Variants in KLF12 observed in about 807,000 individuals in gnomAD.
KLF12 encodes KLF transcription factor 12.
In KLF12, 9 loss-of-function variants were observed where a neutral mutation model predicts 37.8. The ratio of observed to expected loss-of-function variants is 0.24; its 90% confidence interval spans 0.14 to 0.42. KLF12 has a LOEUF of 0.42. Ranked by LOEUF, KLF12 falls within the 10% of genes least tolerant of loss-of-function variation. KLF12 has a pLI of 1.00. For missense variants in KLF12, 411 were observed against 516.0 expected, an observed-to-expected ratio of 0.80 and a Z score of 1.97; for synonymous variants, 208 against 202.1, an observed-to-expected ratio of 1.03 and a Z score of -0.25.
the KLF12 span, among the ~76,000 whole-genome samples, chr13:74,225,192 T>C: frequency 6.6e-6 from 1 of 152,148 alleles, no homozygotes; most frequent in Non-Finnish European, 1.5e-5. Flanking sequence ...ACATGGATTA[T>C]GTATGTAGCC....
intron 1 of KLF12, among the ~76,000 whole-genome samples, chr13:74,101,114 C>T (rs866999577): frequency 1.3e-4 from 20 of 152,146 alleles, no homozygotes; most frequent in Middle Eastern, 3.4e-3. Flanking sequence ...ATATGTCTTC[C>T]CCTTACCTTC....
intron 2 of KLF12, among the ~76,000 whole-genome samples, chr13:73,967,609 C>T (rs1327970678): frequency 3.3e-5 from 5 of 152,200 alleles, no homozygotes; most frequent in African/African-American, 1.2e-4. Context: ...ACAAAACAGT[C>T]ATCCAGTCAT....
At chr13:73,734,758 A>T (rs937237196) in intron 6 of KLF12, among the ~76,000 whole-genome samples, 2 of 152,138 alleles carry the variant, frequency 1.3e-5, no homozygotes, top group Non-Finnish European at 2.9e-5. Flanking sequence ...GTTAATATAC[A>T]TTATGTCTGA....
intron 3 of KLF12, among the ~76,000 whole-genome samples, chr13:73,896,397 G>A (rs1253470392): frequency 1.3e-5 from 2 of 152,090 alleles, no homozygotes; most frequent in African/African-American, 4.8e-5. Flanking sequence ...GAAATGTAGG[G>A]GACTTTCTGA....
chr13:74,258,668 G>A, the KLF12 span: 1 of 152,214 alleles, frequency 6.6e-6, no homozygotes, highest in South Asian at 2.1e-4. Flanking sequence ...GGAACGTGGA[G>A]TTGGATGTGT....
chr13:74,061,063 C>T (rs1464649001), intron 1 of KLF12, among the ~76,000 whole-genome samples: 2 of 152,208 alleles, frequency 1.3e-5, no homozygotes, highest in Non-Finnish European at 2.9e-5. Flanking sequence ...GCTATCGAAT[C>T]AAGGCCTTGA....
intron 6 of KLF12, among the ~76,000 whole-genome samples, chr13:73,747,523 T>C (rs1478422369): frequency 6.6e-6 from 1 of 152,218 alleles, no homozygotes; most frequent in African/African-American, 2.4e-5. Context: ...AGGGTCAAAG[T>C]ACATTTTAGC....
chr13:73,800,425 A>G, intron 5 of KLF12: 1 of 152,112 alleles, frequency 6.6e-6, no homozygotes, highest in East Asian at 1.9e-4. Flanking sequence ...TACGAATTAG[A>G]TTAGAAAAAC....
intron 3 of KLF12, among the ~76,000 whole-genome samples, chr13:73,867,666 CA>C (rs925442976): frequency 6.6e-6 from 1 of 151,956 alleles, no homozygotes; most frequent in African/African-American, 2.4e-5. Context: ...GATATCTATC[CA>C]ATACACAGTG....
intron 3 of KLF12, among the ~76,000 whole-genome samples, chr13:73,858,589 C>G (rs567394335): frequency 6.6e-6 from 1 of 152,286 alleles, no homozygotes; most frequent in Non-Finnish European, 1.5e-5. Flanking sequence ...TGATGAAAAG[C>G]TTTCCATCAG....
intron 6 of KLF12, 78 bp from the exon 7 acceptor site, chr13:73,715,603 C>A: frequency 1.4e-6 from 2 of 1,402,054 alleles, no homozygotes; most frequent in South Asian, 1.3e-5. Flanking sequence ...GGAACATTGT[C>A]TCAGACACTA....
the KLF12 span, among the ~76,000 whole-genome samples, chr13:74,276,008 C>T: frequency 3.3e-5 from 5 of 150,126 alleles, no homozygotes; most frequent in Admixed American, 6.7e-5. Flanking sequence ...ATGTGCAGAA[C>T]GTGCAGGTTT....
chr13:74,193,259 T>G, the KLF12 span, among the ~76,000 whole-genome samples: 4 of 152,100 alleles, frequency 2.6e-5, no homozygotes, highest in Non-Finnish European at 5.9e-5. Context: ...GGATTACAGG[T>G]GTGAGCCACA....
At chr13:74,027,705 G>C (rs181168796) in intron 1 of KLF12, among the ~76,000 whole-genome samples, 10 of 152,248 alleles carry the variant, frequency 6.6e-5, no homozygotes, top group Admixed American at 5.2e-4. Flanking sequence ...ATCAGCAATT[G>C]AATCTACAAG....
At chr13:74,230,845 T>G in the KLF12 span, among the ~76,000 whole-genome samples, 1 of 152,218 alleles carries the variant, frequency 6.6e-6, no homozygotes, top group African/African-American at 2.4e-5. Context: ...CTTTCCAATG[T>G]GCCTCATGGA....
intron 4 of KLF12, among the ~76,000 whole-genome samples, chr13:73,833,530 T>C (rs1884274035): frequency 6.6e-6 from 1 of 152,186 alleles, no homozygotes. Flanking sequence ...GAGTGTTTAT[T>C]GTGTGCCAGA....
rs1874001310 is a variant in KLF12, at chr13:73,694,513, C to T, written c.*977G>A. The T allele has an allele frequency of 6.5e-6, 1 of 152,672 alleles. No individual in the cohort carries two copies. The highest frequency in any genetic ancestry group is 2.1e-4 in the South Asian group (1 of 4,834). The allele number at this position is 152,672 out of a possible 1,614,324, so 9.5% of individuals were successfully genotyped here. On this transcript the variant is annotated 3_prime_UTR_variant, in exon 8 of 8. Coordinates refer to ENST00000377669, the MANE Select transcript of KLF12 (RefSeq NM_007249.5). ...TTTCTCCTCAAGAGGCGCATTATTT[C>T]CATCTCTGCTTTGTCTGAGTTTTCA...
intron 4 of KLF12, among the ~76,000 whole-genome samples, chr13:73,825,067 C>T (rs1447841592): frequency 2.2e-5 from 3 of 138,830 alleles, no homozygotes; most frequent in African/African-American, 7.9e-5. Flanking sequence ...AAAACTCCGC[C>T]TCAAAAAAAA....
At chr13:74,068,954 T>C (rs143280938) in intron 1 of KLF12, among the ~76,000 whole-genome samples, 211 of 152,328 alleles carry the variant, frequency 1.4e-3, no homozygotes, top group African/African-American at 4.8e-3. Context: ...TGATTCTTAC[T>C]TCTGTCAAGG....
Sources: gnomAD v4.1 joint callset for allele counts (sites outside exome capture counted in the v4.1 genomes callset) on GRCh38, gnomAD v4.1.1 for gene constraint, MANE v1.5 for transcripts, NCBI Gene and HGNC (gene_info 2026-07-23, HGNC 2026-07-21) for gene names.